Variants in AHR observed in about 807,000 individuals in gnomAD.
AHR encodes aryl hydrocarbon receptor.
Under a neutral mutation model 86.8 loss-of-function variants are expected in AHR, and 40 were observed. The observed-to-expected ratio is 0.46, with a 90% CI of 0.36 to 0.60. AHR has a LOEUF of 0.60. Ranked by LOEUF, AHR falls within the 20% of genes least tolerant of loss-of-function variation. The probability of loss-of-function intolerance (pLI) is 0.00; values close to 1 mark genes in which losing one functional copy is unlikely to be tolerated. For missense variants in AHR, 1,001 were observed against 1,011.6 expected, an observed-to-expected ratio of 0.99 and a Z score of 0.14; for synonymous variants, 398 against 354.9, an observed-to-expected ratio of 1.12 and a Z score of -1.37.
chr7:17,321,579 T>A (rs1171206056), intron 2 of AHR, among the ~76,000 whole-genome samples: 1 of 102,012 alleles, frequency 9.8e-6, no homozygotes, highest in Non-Finnish European at 2.3e-5. Context: ...TATAAATACA[T>A]ACATACCACA....
At chr7:17,315,763 AATTAT>A (rs1328090553) in intron 2 of AHR, among the ~76,000 whole-genome samples, 15 of 151,690 alleles carry the variant, frequency 9.9e-5, no homozygotes, top group African/African-American at 3.6e-4. Flanking sequence ...ATATAATATT[AATTAT>A]ATTAAAATCT....
rs1294919750 is a variant in AHR, at chr7:17,343,704, ATAT to A, written c.*645_*647del. Reference sequence around the variant, plus strand: ...TAAATTAATATCTTTCTGCACACAAATATTATTTGTGTTTCCTAAATCCAACCA... The same window carrying A: ...TAAATTAATATCTTTCTGCACACAAATATTTGTGTTTCCTAAATCCAACCA... On this transcript the variant is annotated 3_prime_UTR_variant, in exon 11 of 11. Coordinates refer to ENST00000242057, the MANE Select transcript of AHR (RefSeq NM_001621.5). 1 of 152,576 alleles carries A rather than the reference ATAT, an allele frequency of 6.6e-6. No individual in the cohort carries two copies. Among genetic ancestry groups the A allele is most frequent in the Non-Finnish European group, 1.5e-5 (1 of 67,988 alleles). 9.5% of individuals were successfully genotyped at this position (152,576 alleles called of 1,614,324 possible). A position where few individuals can be genotyped will look rare whatever the true frequency, so the allele number is the denominator to read the frequency against.
rs2115372615 is a variant in AHR at position 17,344,019 on chromosome 7, T to C, written c.*955T>C. The C allele has an allele frequency of 6.5e-6, 1 of 152,740 alleles. No homozygotes were observed. The highest frequency in any genetic ancestry group is 1.5e-5 in the Non-Finnish European group (1 of 67,982). The allele number at this position is 152,740 out of a possible 1,614,324, so 9.5% of individuals were successfully genotyped here. On this transcript the variant is annotated 3_prime_UTR_variant, in exon 11 of 11. Transcript: ENST00000242057. ...ACCTTTATTGATATCTCCATGATGA[T>C]AGTTGAATGTTGCAATGTGAAAAAT...
chr7:17,315,385 TATCTG>T (rs1782105165), intron 2 of AHR, among the ~76,000 whole-genome samples: 1 of 152,060 alleles, frequency 6.6e-6, no homozygotes, highest in Non-Finnish European at 1.5e-5. Context: ...CAGTGACAAA[TATCTG>T]AGATTCAAAC....
chr7:17,321,960 T>C (rs1253545515), intron 2 of AHR, among the ~76,000 whole-genome samples: 2 of 152,028 alleles, frequency 1.3e-5, no homozygotes, highest in Admixed American at 6.6e-5. Flanking sequence ...ATAGTCACAG[T>C]AATTAACAGT....
chr7:17,322,496 C>G lies in AHR; in HGVS notation c.254-5C>G. 6.3e-7 allele frequency: 1 copy of G among 1,579,856 alleles called. No individual in the cohort carries two copies. The highest frequency in any genetic ancestry group is 1.1e-5 in the South Asian group (1 of 89,046). On this transcript the variant is annotated splice_region_variant and splice_polypyrimidine_tract_variant and intron_variant, in intron 2 of 10. Transcript: ENST00000242057. Reference sequence around the variant, plus strand: ...AAAATCATTGTTTTTCCTTTTTTTCCATAGTTGCATTAAAATCCTCCCCTA... The same window carrying G: ...AAAATCATTGTTTTTCCTTTTTTTCGATAGTTGCATTAAAATCCTCCCCTA...
At chr7:17,335,916 GAA>G (rs1424384839) in intron 9 of AHR, 130 bp downstream of exon 9, 1 of 919,328 alleles carries the variant, frequency 1.1e-6, no homozygotes, top group African/African-American at 1.7e-5. Context: ...CATCTAGAAA[GAA>G]GAGCACAGGT....
At chr7:17,329,880 G>C (rs1584038846) in intron 4 of AHR, 72 bp from the exon 5 acceptor site, 1 of 1,389,686 alleles carries the variant, frequency 7.2e-7, no homozygotes, top group African/African-American at 1.4e-5. Context: ...AATCTAAATA[G>C]GCTTTAAAAT....
chr7:17,307,779 G>T (rs1782020673), intron 1 of AHR, among the ~76,000 whole-genome samples: 1 of 152,138 alleles, frequency 6.6e-6, no homozygotes, highest in South Asian at 2.1e-4. Flanking sequence ...TCTATCACCA[G>T]AGTCAGCTTG....
rs1459111561 is a variant in AHR, at chr7:17,345,014, A to T, written c.*1950A>T. 1 of 150,736 alleles carries T rather than the reference A, an allele frequency of 6.6e-6. No homozygotes were observed. The highest frequency in any genetic ancestry group is 2.0e-4 in the East Asian group (1 of 5,082). 9.3% of individuals were successfully genotyped at this position (150,736 alleles called of 1,614,324 possible). On this transcript the variant is annotated 3_prime_UTR_variant, in exon 11 of 11. Transcript: ENST00000242057. ...AAATCTGATGGAATCCCAAACTGAG[A>T]TGTATTAAAATACAATTTTTGGCCG...
In AHR at chr7:17,343,220, T is replaced by G. The variant is rs1416325932; in HGVS notation, c.*156T>G. On this transcript the variant is annotated 3_prime_UTR_variant, in exon 11 of 11. Transcript: ENST00000242057. Reference sequence around the variant, plus strand: ...TCCAAACCAAATTTTAATTTTTGCTTTTAGAAAAGGGAGTTTAAAAATGGT... The same window carrying G: ...TCCAAACCAAATTTTAATTTTTGCTGTTAGAAAAGGGAGTTTAAAAATGGT... 1 of 924,626 alleles carries G rather than the reference T, an allele frequency of 1.1e-6. No homozygotes were observed. The allele number at this position is 924,626 out of a possible 1,614,324, so 57.3% of individuals were successfully genotyped here.
At chr7:17,326,865 A>G (rs1019610082) in intron 3 of AHR, among the ~76,000 whole-genome samples, 4 of 152,286 alleles carry the variant, frequency 2.6e-5, no homozygotes, top group South Asian at 2.1e-4. Context: ...ATAGTAAAGA[A>G]TAGATCAAGT....
In AHR at chr7:17,339,103, C is replaced by G. The variant is rs767305205; in HGVS notation, c.1278C>G (p.Pro426=). 1 of 1,614,132 alleles carries G rather than the reference C, an allele frequency of 6.2e-7. No individual in the cohort carries two copies. Among genetic ancestry groups the G allele is most frequent in the Non-Finnish European group, 8.5e-7 (1 of 1,180,020 alleles). ...ATNPFPAIMD[P]LPLRTKNGTS... ...ACCCTTTTCCTGCCATAATGGATCC[C>G]TTACCACTAAGGACTAAAAATGGCA... Residue 426 remains proline (P), a synonymous_variant, in exon 10 of 11, where the codon CCC becomes CCG. Coordinates refer to ENST00000242057, the MANE Select transcript of AHR (RefSeq NM_001621.5).
chr7:17,342,309 C>T (rs1422075197), intron 10 of AHR, among the ~76,000 whole-genome samples: 9 of 151,976 alleles, frequency 5.9e-5, no homozygotes, highest in Admixed American at 5.2e-4. Context: ...TGTAAGAAAA[C>T]AAGACAGAGC....
At chr7:17,316,474 T>A (rs766637411) in intron 2 of AHR, among the ~76,000 whole-genome samples, 1 of 152,084 alleles carries the variant, frequency 6.6e-6, no homozygotes, top group African/African-American at 2.4e-5. Context: ...AAAAATTAGC[T>A]GGGCTTGGTG....
chr7:17,343,151 A>T lies in AHR; in HGVS notation c.*87A>T. The T allele has an allele frequency of 6.7e-7, 1 of 1,486,654 alleles. No homozygotes were observed. The highest frequency in any genetic ancestry group is 9.3e-7 in the Non-Finnish European group (1 of 1,071,890). The allele number at this position is 1,486,654 out of a possible 1,614,324, so 92.1% of individuals were successfully genotyped here. ...AATAAAACTGTCACTGTTGGACGTCAGCAAGTTCACATGGAGGCATTGATG... is the reference window on the plus strand; with the variant it reads ...AATAAAACTGTCACTGTTGGACGTCTGCAAGTTCACATGGAGGCATTGATG... On this transcript the variant is annotated 3_prime_UTR_variant, in exon 11 of 11. Transcript: ENST00000242057.
At chr7:17,303,111 T>C (rs1280167172) in intron 1 of AHR, among the ~76,000 whole-genome samples, 1 of 152,130 alleles carries the variant, frequency 6.6e-6, no homozygotes, top group Non-Finnish European at 1.5e-5. Context: ...TTAAAATTGA[T>C]ATTTTGCTAG....
intron 2 of AHR, among the ~76,000 whole-genome samples, chr7:17,312,715 T>C (rs940242329): frequency 7.9e-5 from 12 of 152,220 alleles, no homozygotes; most frequent in African/African-American, 2.7e-4. Flanking sequence ...TATTTGACAG[T>C]AGGATCTTAT....
intron 4 of AHR, among the ~76,000 whole-genome samples, chr7:17,328,988 T>C (rs1782257046): frequency 6.6e-6 from 1 of 151,972 alleles, no homozygotes; most frequent in Non-Finnish European, 1.5e-5. Context: ...AAGCCTAATG[T>C]ATTATATAAC....
Sources: gnomAD v4.1 joint callset for allele counts (sites outside exome capture counted in the v4.1 genomes callset) on GRCh38, gnomAD v4.1.1 for gene constraint, MANE v1.5 for transcripts, NCBI Gene and HGNC (gene_info 2026-07-23, HGNC 2026-07-21) for gene names.